The following MYEF2 variants were observed in gnomAD, a reference collection of about 807,000 sequenced individuals.
The protein encoded by MYEF2 is myelin expression factor 2, also known as myelin gene expression factor 2.
Under a neutral mutation model 75.2 loss-of-function variants are expected in MYEF2, and 37 were observed. The ratio of observed to expected loss-of-function variants is 0.49; its 90% CI spans 0.38 to 0.65. The LOEUF is 0.65. Ranked by LOEUF, MYEF2 falls within the 30% of genes least tolerant of loss-of-function variation. MYEF2 has a pLI of 0.00. For missense variants in MYEF2, 634 were observed against 771.4 expected, an observed-to-expected ratio of 0.82 and a Z score of 2.11; for synonymous variants, 195 against 241.6, an observed-to-expected ratio of 0.81 and a Z score of 1.79.
At chr15:48,177,858 C>G (rs562996375) in intron 1 of MYEF2, among the ~76,000 whole-genome samples, 1 of 152,270 alleles carries the variant, frequency 6.6e-6, no homozygotes, top group South Asian at 2.1e-4. Flanking sequence ...CCCCGGGCCC[C>G]CAGCCCCGGC....
chr15:48,142,005 T>C lies in MYEF2; in HGVS notation c.*903A>G. 1 of 1,551,352 alleles carries C rather than the reference T, an allele frequency of 6.4e-7. No homozygotes were observed. Among genetic ancestry groups the C allele is most frequent in the South Asian group, 1.2e-5 (1 of 84,758 alleles). On this transcript the variant is annotated 3_prime_UTR_variant, in exon 17 of 17. Transcript: ENST00000324324. ...AAACACAGTATTGGTAAGCACATTT[T>C]AACAGTATGCTTTTCTTTTGTAGGG...
intron 16 of MYEF2, 121 bp downstream of exon 16, chr15:48,148,911 T>TC: frequency 3.1e-6 from 3 of 966,126 alleles, no homozygotes; most frequent in Non-Finnish European, 4.9e-6. Flanking sequence ...TGGCACGCTA[T>TC]CAAGACTATC....
In MYEF2 at chr15:48,136,406, T is replaced by C. The variant is rs1351636153; in HGVS notation, c.*6502A>G. The C allele has an allele frequency of 3.9e-5, 11 of 281,854 alleles. No homozygotes were observed. Among genetic ancestry groups the C allele is most frequent in the Non-Finnish European group, 5.9e-5 (9 of 153,692 alleles). 17.5% of individuals were successfully genotyped at this position (281,854 alleles called of 1,614,324 possible). On this transcript the variant is annotated 3_prime_UTR_variant, in exon 17 of 17. Coordinates refer to ENST00000324324, the MANE Select transcript of MYEF2 (RefSeq NM_016132.5). ...AATTATCATTTTCCTTGCATTTTTA[T>C]ACCTATCATTTGGAAGGAATCTACA...
intron 9 of MYEF2, among the ~76,000 whole-genome samples, chr15:48,155,744 T>C (rs564309542): frequency 4.0e-5 from 6 of 149,340 alleles, no homozygotes; most frequent in African/African-American, 1.5e-4. Flanking sequence ...TTTCAAATAA[T>C]ACATGGCTCA....
At chr15:48,152,097 C>G in intron 11 of MYEF2, 137 bp downstream of exon 11, 1 of 1,166,236 alleles carries the variant, frequency 8.6e-7, no homozygotes, top group Middle Eastern at 1.9e-4. Context: ...ATGTACCAGG[C>G]TCAATTTCTG....
At chr15:48,164,535 T>C (rs186751028) in intron 5 of MYEF2, among the ~76,000 whole-genome samples, 2 of 152,298 alleles carry the variant, frequency 1.3e-5, no homozygotes, top group East Asian at 3.9e-4. Context: ...AGCAGCAGGT[T>C]TGAGAGGACT....
intron 14 of MYEF2, chr15:48,150,111 T>C (rs1397087096): frequency 6.6e-6 from 1 of 152,090 alleles, no homozygotes; most frequent in Non-Finnish European, 1.5e-5. Flanking sequence ...TGCTCCCATC[T>C]TACTCATTAT....
chr15:48,158,048 C>A lies in MYEF2; in HGVS notation c.930G>T (p.Lys310Asn). 1 of 1,613,062 alleles carries A rather than the reference C, an allele frequency of 6.2e-7. No individual in the cohort carries two copies. The highest frequency in any genetic ancestry group is 8.5e-7 in the Non-Finnish European group (1 of 1,179,378). Residue 310 changes from lysine (K) to asparagine (N), a missense_variant, in exon 9 of 17, where the codon AAG (lysine) becomes AAT (asparagine). Physicochemically the swap from Lys to Asn is moderately conservative, Grantham distance 94. Transcript: ENST00000324324. Reference sequence around the variant, plus strand: ...AACGGTACTCTTCATGAGGAACAGACTTGTCATCCTAATTGCAAGAAAGTT... The same window carrying A: ...AACGGTACTCTTCATGAGGAACAGAATTGTCATCCTAATTGCAAGAAAGTT... ...DRPMHVKMDD[K>N]SVPHEEYRSH...
rs2039774919 is a variant in MYEF2, at chr15:48,158,111, T to C, written c.922-55A>G. On this transcript the variant is annotated intron_variant, in intron 8 of 16. Transcript: ENST00000324324. ...AACATATTACCACAAAGAACTGTAA[T>C]GTAGAAGAGAGCCAATAAAAGATCT... 5.6e-6 allele frequency: 9 copies of C among 1,611,376 alleles called. No individual in the cohort carries two copies. The South Asian group carries it at 6.6e-5, about 12-fold the overall frequency.
chr15:48,157,263 A>G (rs1467437203), intron 9 of MYEF2: 2 of 152,126 alleles, frequency 1.3e-5, no homozygotes, highest in Non-Finnish European at 2.9e-5. Flanking sequence ...CACTTTTCAA[A>G]GGAGGCACTG....
At position 48,138,914 on chromosome 15, in the gene MYEF2, CTAACT is replaced by C; in HGVS notation, c.*3989_*3993del. ...AATATAACTTTCTAAATAGGCATTT[CTAACT>C]TAATTAGCCATTTGAGAAAACTCAA... On this transcript the variant is annotated 3_prime_UTR_variant, in exon 17 of 17. Transcript: ENST00000324324. The C allele has an allele frequency of 7.5e-7, 1 of 1,328,696 alleles. No homozygotes were observed. Among genetic ancestry groups the C allele is most frequent in the Non-Finnish European group, 1.1e-6 (1 of 948,852 alleles). 82.3% of individuals were successfully genotyped at this position (1,328,696 alleles called of 1,614,324 possible). A position where few individuals can be genotyped will look rare whatever the true frequency, so the allele number is the denominator to read the frequency against.
In MYEF2 at chr15:48,141,936, C is replaced by T. The variant is rs1310204810; in HGVS notation, c.*972G>A. The T allele has an allele frequency of 4.1e-6, 4 of 977,770 alleles. No individual in the cohort carries two copies. The highest frequency in any genetic ancestry group is 1.6e-5 in the African/African-American group (1 of 61,554). 60.6% of individuals were successfully genotyped at this position (977,770 alleles called of 1,614,324 possible). ...ACAATTTTTCAAAACGAATCAACAA[C>T]AAAAAAGTATCCAGTGTTTCTTTTC... On this transcript the variant is annotated 3_prime_UTR_variant, in exon 17 of 17. Coordinates refer to ENST00000324324, the MANE Select transcript of MYEF2 (RefSeq NM_016132.5).
rs2140760054 is a variant in MYEF2, at chr15:48,139,738, T to G, written c.*3170A>C. 1 of 152,322 alleles carries G rather than the reference T, an allele frequency of 6.6e-6. No homozygotes were observed. The highest frequency in any genetic ancestry group is 1.5e-5 in the Non-Finnish European group (1 of 68,022). The allele number at this position is 152,322 out of a possible 1,614,324, so 9.4% of individuals were successfully genotyped here. ...TTAACTAGCTACTGCTGCTTGGCCA[T>G]AATCCACTACAGTCCCTAAACAAAA... is the stretch of plus-strand genomic sequence containing the variant. On this transcript the variant is annotated 3_prime_UTR_variant, in exon 17 of 17. Transcript: ENST00000324324.
chr15:48,151,342 T>TA lies in MYEF2; in HGVS notation c.1306+130dup, dbSNP rs1224018386. The stretch of plus-strand genomic sequence containing the variant: ...AAGAGAGCTAGCATATTAAAATCCT[T>TA]AAAGTGTTTTCTTCAGGTAATAAGT... On this transcript the variant is annotated intron_variant, in intron 13 of 16. Transcript: ENST00000324324. The TA allele has an allele frequency of 2.5e-5, 26 of 1,045,872 alleles. No homozygotes were observed. The East Asian group carries it at 5.5e-4, about 22-fold the overall frequency. The allele number at this position is 1,045,872 out of a possible 1,614,324, so 64.8% of individuals were successfully genotyped here. A position where few individuals can be genotyped will look rare whatever the true frequency, so the allele number is the denominator to read the frequency against.
At position 48,135,558 on chromosome 15, in the gene MYEF2, A is replaced by T. The variant is rs577579708; in HGVS notation, c.*7350T>A. ...AAGAAAATGAAAAAGGTGGTGACTG[A>T]GTGGACAGATACTAACTTTTTCAAC... On this transcript the variant is annotated 3_prime_UTR_variant, in exon 17 of 17. Coordinates refer to ENST00000324324, the MANE Select transcript of MYEF2 (RefSeq NM_016132.5). 6.5e-6 allele frequency: 1 copy of T among 152,706 alleles called. No homozygotes were observed. Among genetic ancestry groups the T allele is most frequent in the Non-Finnish European group, 1.5e-5 (1 of 68,306 alleles). The allele number at this position is 152,706 out of a possible 1,614,324, so 9.5% of individuals were successfully genotyped here. A position where few individuals can be genotyped will look rare whatever the true frequency, so the allele number is the denominator to read the frequency against.
intron 14 of MYEF2, 102 bp downstream of exon 14, chr15:48,150,998 C>T (rs972211988): frequency 6.2e-6 from 4 of 645,684 alleles, no homozygotes; most frequent in African/African-American, 1.9e-5. Context: ...GACACATTAA[C>T]GTATAAGAAC....
At chr15:48,177,119 A>G (rs1371239914) in intron 1 of MYEF2, among the ~76,000 whole-genome samples, 1 of 152,214 alleles carries the variant, frequency 6.6e-6, no homozygotes, top group African/African-American at 2.4e-5. Context: ...CAGAGAAGGA[A>G]AAGGATGTTT....
At chr15:48,159,530 G>T (rs1597328005) in intron 6 of MYEF2, 83 bp downstream of exon 6, 7 of 1,283,982 alleles carry the variant, frequency 5.5e-6, no homozygotes, top group Non-Finnish European at 7.6e-6. Context: ...TAAGCAAAAT[G>T]TTCTATAAAC....
chr15:48,141,891 G>A lies in MYEF2; in HGVS notation c.*1017C>T. 1.8e-6 allele frequency: 1 copy of A among 561,140 alleles called. No homozygotes were observed. Among genetic ancestry groups the A allele is most frequent in the Non-Finnish European group, 3.0e-6 (1 of 332,698 alleles). 34.8% of individuals were successfully genotyped at this position (561,140 alleles called of 1,614,324 possible). A position where few individuals can be genotyped will look rare whatever the true frequency, so the allele number is the denominator to read the frequency against. On this transcript the variant is annotated 3_prime_UTR_variant, in exon 17 of 17. Coordinates refer to ENST00000324324, the MANE Select transcript of MYEF2 (RefSeq NM_016132.5). ...AGAAAAATTTAAAAATACAAATTCA[G>A]TAAGACTTTTGCTCTAACAACAATT...
Sources: allele counts gnomAD v4.1 joint callset (sites outside exome capture counted in the v4.1 genomes callset), GRCh38; gene constraint gnomAD v4.1.1; transcripts MANE v1.5; gene names NCBI Gene and HGNC (gene_info 2026-07-23, HGNC 2026-07-21).